Variants in GTF2A1L observed in about 807,000 individuals in gnomAD.
GTF2A1L encodes the protein general transcription factor IIA subunit 1 like, also known as TFIIA-alpha and beta-like factor.
GTF2A1L carries 48 observed loss-of-function variants against 49.7 expected under a neutral mutation model. The observed-to-expected ratio is 0.97, with a 90% CI of 0.77 to 1.23. GTF2A1L has a LOEUF of 1.23. Among genes scored for constraint, GTF2A1L ranks in the 50% most tolerant of loss-of-function variants. GTF2A1L has a pLI of 0.00. For synonymous variants in GTF2A1L, 246 were observed against 193.5 expected (o/e 1.27, Z -2.25); for missense variants, 736 against 564.8 (o/e 1.30, Z -3.07).
chr2:48,664,458 G>A (rs1331174256), intron 6 of GTF2A1L, among the ~76,000 whole-genome samples: 1 of 151,754 alleles, frequency 6.6e-6, no homozygotes, highest in African/African-American at 2.4e-5. Context: ...ATATATTGCT[G>A]GATTCAATTT....
Position 48,671,686 on chromosome 2 carries a change from G to A in GTF2A1L, c.1329+6G>A, listed in dbSNP as rs752515922. 1 of 1,607,014 alleles carries A rather than the reference G, an allele frequency of 6.2e-7. No homozygotes were observed. Among genetic ancestry groups the A allele is most frequent in the Non-Finnish European group, 8.5e-7 (1 of 1,176,690 alleles). On this transcript the variant is annotated splice_donor_region_variant and intron_variant, in intron 8 of 8. Coordinates refer to ENST00000403751, the MANE Select transcript of GTF2A1L (RefSeq NM_006872.5). ...TTGTCTGTCAGTATGATAAGGTACT[G>A]TATTTACCTTTTGGACTTTGGGTTT... is the stretch of plus-strand genomic sequence containing the variant.
intron 3 of GTF2A1L, among the ~76,000 whole-genome samples, chr2:48,631,292 C>A (rs1676554255): frequency 6.6e-6 from 1 of 152,078 alleles, no homozygotes; most frequent in South Asian, 2.1e-4. Context: ...ATTACTAATT[C>A]AATTTTGGAA....
intron 6 of GTF2A1L, among the ~76,000 whole-genome samples, chr2:48,650,571 T>G (rs1220043903): frequency 6.6e-6 from 1 of 152,188 alleles, no homozygotes; most frequent in Non-Finnish European, 1.5e-5. Flanking sequence ...ATAATTGACT[T>G]TAGAATTCAT....
At chr2:48,675,279 T>C (rs1679403685) in intron 8 of GTF2A1L, among the ~76,000 whole-genome samples, 1 of 152,278 alleles carries the variant, frequency 6.6e-6, no homozygotes, top group Non-Finnish European at 1.5e-5. Flanking sequence ...AAATGCAGAA[T>C]CCTGAGTCCC....
chr2:48,653,392 T>A (rs1309602411), intron 6 of GTF2A1L, among the ~76,000 whole-genome samples: 1 of 152,174 alleles, frequency 6.6e-6, no homozygotes, highest in Admixed American at 6.5e-5. Context: ...CCTCCCAGTT[T>A]CCTCATGTGC....
In GTF2A1L at chr2:48,664,565, T is replaced by C. The variant is rs116970431; in HGVS notation, c.979-5157T>C. Among the ~76,000 whole-genome samples the C allele has an allele frequency of 2.2e-4, 33 of 152,306 alleles. No homozygotes were observed. The East Asian group carries it at 5.8e-3, about 27-fold the overall frequency. Reference sequence around the variant, plus strand: ...GCTGGGTATTAGGGTAATATTAGTTTCATAGAATGAATTGCTATGTATCTG... The same window carrying C: ...GCTGGGTATTAGGGTAATATTAGTTCCATAGAATGAATTGCTATGTATCTG... On this transcript the variant is annotated intron_variant, in intron 6 of 8. Transcript: ENST00000403751.
At position 48,628,480 on chromosome 2, in the gene GTF2A1L, G is replaced by C. The variant is rs1327971985; in HGVS notation, c.247+7190G>C. Among the ~76,000 whole-genome samples, 2 of 144,238 alleles carry C rather than the reference G, an allele frequency of 1.4e-5. 1 individual carries two copies. The highest frequency in any genetic ancestry group is 3.1e-5 in the Non-Finnish European group (2 of 64,032). The allele number at this position is 144,238 out of a possible 152,430, so 94.6% of individuals were successfully genotyped here. A position where few individuals can be genotyped will look rare whatever the true frequency, so the allele number is the denominator to read the frequency against. On this transcript the variant is annotated intron_variant, in intron 3 of 8. Coordinates refer to ENST00000403751, the MANE Select transcript of GTF2A1L (RefSeq NM_006872.5). ...TTGTATTTCTCTGGTGATTAGTGATGTGGAGCATTTTTTCATATATTGGCC... is the reference window on the plus strand; with the variant it reads ...TTGTATTTCTCTGGTGATTAGTGATCTGGAGCATTTTTTCATATATTGGCC...
At chr2:48,652,530 A>T (rs1370842461) in intron 6 of GTF2A1L, among the ~76,000 whole-genome samples, 1 of 151,024 alleles carries the variant, frequency 6.6e-6, no homozygotes, top group African/African-American at 2.4e-5. Flanking sequence ...CAAGAGAATC[A>T]CTTGAACCTG....
At chr2:48,618,131 T>G in intron 1 of GTF2A1L, 2 of 528,586 alleles carry the variant, frequency 3.8e-6, no homozygotes, top group Non-Finnish European at 6.7e-6. Context: ...CTTTTTCTCT[T>G]TTTACCCAAA....
At chr2:48,624,998 C>A (rs1230940566) in intron 3 of GTF2A1L, among the ~76,000 whole-genome samples, 1 of 143,884 alleles carries the variant, frequency 7.0e-6, no homozygotes, top group Non-Finnish European at 1.6e-5. Flanking sequence ...TCTTGGCTAT[C>A]GTGAGTAATA....
intron 6 of GTF2A1L, among the ~76,000 whole-genome samples, chr2:48,660,273 C>A (rs1169988655): frequency 6.6e-6 from 1 of 152,114 alleles, no homozygotes; most frequent in African/African-American, 2.4e-5. Context: ...TCTTTGGTAT[C>A]AGGGTAATGC....
chr2:48,656,348 GTTTTTTTTTT>G (rs367837291), intron 6 of GTF2A1L, among the ~76,000 whole-genome samples: 7 of 114,562 alleles, frequency 6.1e-5, no homozygotes, highest in African/African-American at 2.4e-4. Flanking sequence ...CTTATTTTCT[GTTTTTTTTTT>G]TTTTTTTTTT....
chr2:48,678,159 A>G (rs1003099064), intron 8 of GTF2A1L, among the ~76,000 whole-genome samples: 2 of 152,016 alleles, frequency 1.3e-5, no homozygotes, highest in African/African-American at 2.4e-5. Flanking sequence ...AGTTCCTAAC[A>G]TTGAACTATT....
chr2:48,679,280 A>G, intron 8 of GTF2A1L, 55 bp from the exon 9 acceptor site: 4 of 1,580,424 alleles, frequency 2.5e-6, no homozygotes, highest in Non-Finnish European at 3.4e-6. Context: ...AGAGAAATGC[A>G]GGTGATCCTT....
chr2:48,639,342 C>A (rs114235723), intron 3 of GTF2A1L, among the ~76,000 whole-genome samples: 2 of 151,898 alleles, frequency 1.3e-5, no homozygotes, highest in African/African-American at 4.8e-5. Context: ...GGTACTGGTA[C>A]AAACAGACCC....
intron 6 of GTF2A1L, among the ~76,000 whole-genome samples, chr2:48,655,763 A>C (rs1678134616): frequency 6.6e-6 from 1 of 152,088 alleles, no homozygotes; most frequent in African/African-American, 2.4e-5. Flanking sequence ...AAGTATATTC[A>C]CATTGTTGTG....
chr2:48,623,537 A>G (rs1035685446), intron 3 of GTF2A1L, among the ~76,000 whole-genome samples: 3 of 152,246 alleles, frequency 2.0e-5, no homozygotes, highest in South Asian at 2.1e-4. Flanking sequence ...TAGAGCTACA[A>G]TTCAACTCAT....
At chr2:48,677,596 A>T (rs1371701473) in intron 8 of GTF2A1L, among the ~76,000 whole-genome samples, 1 of 151,956 alleles carries the variant, frequency 6.6e-6, no homozygotes, top group Non-Finnish European at 1.5e-5. Context: ...AAGAGAAATG[A>T]CATCTGATTT....
At chr2:48,663,870 C>A (rs1473974721) in intron 6 of GTF2A1L, among the ~76,000 whole-genome samples, 3 of 152,124 alleles carry the variant, frequency 2.0e-5, no homozygotes, top group Non-Finnish European at 4.4e-5. Context: ...GTCTTGTCCT[C>A]CCAAAGTGCT....
Sources: allele counts gnomAD v4.1 joint callset (sites outside exome capture counted in the v4.1 genomes callset), GRCh38; gene constraint gnomAD v4.1.1; transcripts MANE v1.5; gene names NCBI Gene and HGNC (gene_info 2026-07-23, HGNC 2026-07-21).